Variants in COL4A3 observed in about 807,000 individuals in gnomAD.
COL4A3 encodes collagen alpha-3(IV) chain.
Under a neutral mutation model 217.4 loss-of-function variants are expected in COL4A3, and 135 were observed. The observed-to-expected ratio is 0.62, with a 90% CI of 0.54 to 0.72. COL4A3 has a LOEUF of 0.72. COL4A3 is among the 30% of genes least tolerant of loss of function. The pLI is 0.00. For missense variants in COL4A3, 1,868 were observed against 2,119.9 expected (o/e 0.88, Z 2.33); for synonymous variants, 690 against 736.3 (o/e 0.94, Z 1.02).
At chr2:227,248,345 C>A (rs2069478441) in intron 8 of COL4A3, 98 bp from the exon 9 acceptor site, 2 of 803,596 alleles carry the variant, frequency 2.5e-6, no homozygotes, top group Admixed American at 3.4e-5. Flanking sequence ...ACTTGAAAAG[C>A]ATTTTTATCT....
In COL4A3 at chr2:227,282,309, G is replaced by C. The variant is rs1321023900; in HGVS notation, c.2489-56G>C. On this transcript the variant is annotated intron_variant, in intron 31 of 51. Transcript: ENST00000396578. This position sits in a 1 kb window ranked among gnomAD's most constrained non-coding sequence, Gnocchi z 4.4. ...ATATATATATATATATATTTCTGAA[G>C]TTAGTAGGGGAAAGCATTTGTGGGT... 1 of 1,096,260 alleles carries C rather than the reference G, an allele frequency of 9.1e-7. No homozygotes were observed. Among genetic ancestry groups the C allele is most frequent in the Admixed American group, 1.8e-5 (1 of 55,948 alleles). 67.9% of individuals were successfully genotyped at this position (1,096,260 alleles called of 1,614,324 possible). A position where few individuals can be genotyped will look rare whatever the true frequency, so the allele number is the denominator to read the frequency against.
intron 42 of COL4A3, among the ~76,000 whole-genome samples, chr2:227,298,349 CA>C (rs145565120): frequency 9.9e-5 from 15 of 151,160 alleles, no homozygotes; most frequent in African/African-American, 2.4e-4. Flanking sequence ...AAAACTGTAT[CA>C]AAAAAAAATA....
intron 5 of COL4A3, 42 bp from the exon 6 acceptor site, chr2:227,245,912 T>C: frequency 6.6e-7 from 1 of 1,506,250 alleles, no homozygotes; most frequent in Non-Finnish European, 9.2e-7. Flanking sequence ...CAGTGCTGTT[T>C]CTTGGGATGA....
chr2:227,271,526 G>A (rs893948693), intron 25 of COL4A3, among the ~76,000 whole-genome samples: 8 of 140,078 alleles, frequency 5.7e-5, no homozygotes, highest in African/African-American at 2.2e-4. Flanking sequence ...AGGCTGGAGT[G>A]CAATGGTGCA....
At chr2:227,235,472 T>C (rs530435187) in intron 1 of COL4A3, among the ~76,000 whole-genome samples, 12 of 152,312 alleles carry the variant, frequency 7.9e-5, no homozygotes, top group Admixed American at 7.9e-4. Flanking sequence ...AATAGGTTAT[T>C]GGGGAACAGG....
rs199730930 is a variant in COL4A3, at chr2:227,205,710, A to T, written c.88-32258A>T. Among the ~76,000 whole-genome samples, 434 of 149,656 alleles carry T rather than the reference A, an allele frequency of 2.9e-3. 3 individuals are homozygous for T. Among genetic ancestry groups the T allele is most frequent in the Non-Finnish European group, 2.5e-3 (167 of 67,274 alleles). ...GACTATACAACTTAATTCAACAAAT[A>T]TTTTTTTTTTTGAAATCGACTAAGT... On this transcript the variant is annotated intron_variant, in intron 1 of 51. Transcript: ENST00000396578.
chr2:227,175,121 C>G (rs182343303), intron 1 of COL4A3, among the ~76,000 whole-genome samples: 1 of 151,690 alleles, frequency 6.6e-6, no homozygotes, highest in East Asian at 1.9e-4. Flanking sequence ...AGGACAGGGC[C>G]TCTCAGAAGT....
chr2:227,241,532 G>A (rs181534520), intron 3 of COL4A3, among the ~76,000 whole-genome samples: 1 of 152,066 alleles, frequency 6.6e-6, no homozygotes, highest in Admixed American at 6.6e-5. Context: ...AAATTAGCCA[G>A]GTGTGGTGGC....
chr2:227,295,573 G>A (rs561550381), intron 41 of COL4A3, among the ~76,000 whole-genome samples: 4 of 152,202 alleles, frequency 2.6e-5, no homozygotes, highest in African/African-American at 4.8e-5. Flanking sequence ...GGATTCTTCT[G>A]TATATGTCTT....
At chr2:227,235,799 G>GTTTTTT (rs2068660950) in intron 1 of COL4A3, among the ~76,000 whole-genome samples, 1 of 91,980 alleles carries the variant, frequency 1.1e-5, no homozygotes, top group African/African-American at 4.2e-5. Flanking sequence ...TTTTAATGGA[G>GTTTTTT]TTTTGCTCTT....
intron 1 of COL4A3, among the ~76,000 whole-genome samples, chr2:227,223,221 G>A (rs2067906680): frequency 6.6e-6 from 1 of 152,054 alleles, no homozygotes; most frequent in African/African-American, 2.4e-5. Context: ...CACTGAGGAT[G>A]GGATCTCGAG....
Position 227,270,881 on chromosome 2 carries a change from G to T in COL4A3, c.1687G>T (p.Gly563Trp). The change falls in exon 25 of 52, where the codon GGG (glycine) becomes TGG (tryptophan). Residue 563 changes from glycine to tryptophan, a missense_variant. By Grantham distance (184) the Gly-to-Trp change is radical. Transcript: ENST00000396578. ...PGDPGLRGQP[G>W]RKGLDGIPGT... ...TGACCCGGGGCTCAGAGGCCAACCT[G>T]GGAGAAAGGGCTTGGATGGAATTCC... The T allele has an allele frequency of 1.9e-6, 3 of 1,614,168 alleles. No homozygotes were observed. Among genetic ancestry groups the T allele is most frequent in the Non-Finnish European group, 2.5e-6 (3 of 1,180,028 alleles).
intron 1 of COL4A3, among the ~76,000 whole-genome samples, chr2:227,208,785 CACACACACACACACACACACATATAT>C (rs1197806483): frequency 4.1e-5 from 6 of 146,682 alleles, no homozygotes; most frequent in Admixed American, 2.1e-4. Flanking sequence ...CACACACACA[CACACACACACACACACACACATATAT>C]ACAGAAGGAG....
chr2:227,281,085 T>C (rs1574778200), intron 31 of COL4A3, 79 bp downstream of exon 31: 1 of 889,120 alleles, frequency 1.1e-6, no homozygotes. Context: ...CTGCTTAACA[T>C]GGGAACTGTC....
At chr2:227,308,265 T>C (rs2073596359) in intron 48 of COL4A3, among the ~76,000 whole-genome samples, 1 of 152,132 alleles carries the variant, frequency 6.6e-6, no homozygotes, top group Non-Finnish European at 1.5e-5. Context: ...CAGGCTGGAG[T>C]GCAGTGGTGC....
chr2:227,235,772 C>T (rs1437473971), intron 1 of COL4A3, among the ~76,000 whole-genome samples: 3 of 122,440 alleles, frequency 2.5e-5, no homozygotes, highest in African/African-American at 3.2e-5. Context: ...TATTTCATTC[C>T]TTTTTTTTTT....
At chr2:227,295,164 A>G in intron 40 of COL4A3, 102 bp downstream of exon 40, 1 of 1,501,746 alleles carries the variant, frequency 6.7e-7, no homozygotes, top group South Asian at 1.1e-5. Context: ...CTCTGATAGA[A>G]CTGATTATCT....
In COL4A3 at chr2:227,283,840, C is replaced by A. The variant is rs768193529; in HGVS notation, c.2730C>A (p.Gly910=). 5.6e-6 allele frequency: 9 copies of A among 1,613,384 alleles called. No homozygotes were observed. The East Asian group carries it at 2.0e-4, about 36-fold the overall frequency. Residue 910 remains glycine, a synonymous_variant, in exon 33 of 52, where the codon GGC becomes GGA. Transcript: ENST00000396578. ...CTCCAGGGCCCCCTGGGAACCCAGG[C>A]ACACCAGGGCAGAGGGGTAAGTGAT... The part of the protein sequence containing the change: ...IGPPGPPGNP[G]TPGQRGSPGI...
intron 1 of COL4A3, among the ~76,000 whole-genome samples, chr2:227,198,048 T>C (rs1030878230): frequency 4.6e-5 from 7 of 152,156 alleles, no homozygotes; most frequent in African/African-American, 1.7e-4. Context: ...AAATGCCAAA[T>C]CCCTTGGAAG....
Sources: gnomAD v4.1 joint callset for allele counts (sites outside exome capture counted in the v4.1 genomes callset) on GRCh38, gnomAD v4.1.1 for gene constraint, Gnocchi (gnomAD v3.1) non-coding constraint, MANE v1.5 for transcripts, NCBI Gene and HGNC (gene_info 2026-07-23, HGNC 2026-07-21) for gene names.